Variants in NKAIN2 observed in about 807,000 individuals in gnomAD.
The protein encoded by NKAIN2 is sodium/potassium transporting ATPase interacting 2, also known as sodium/potassium-transporting ATPase subunit beta-1-interacting protein 2.
Under a neutral mutation model 32.6 loss-of-function variants are expected in NKAIN2, and 14 were observed. That is an observed-to-expected ratio of 0.43 (90% CI 0.28 to 0.67). The LOEUF (loss-of-function observed/expected upper bound fraction) is 0.67. Ranked by LOEUF, NKAIN2 falls within the 30% of genes least tolerant of loss-of-function variation. The pLI is 0.17. For synonymous variants in NKAIN2, 80 were observed against 87.2 expected, an observed-to-expected ratio of 0.92 and a Z score of 0.46; for missense variants, 198 against 258.3, an observed-to-expected ratio of 0.77 and a Z score of 1.60.
intron 1 of NKAIN2, among the ~76,000 whole-genome samples, chr6:123,988,973 G>C (rs1020562537): frequency 6.6e-6 from 1 of 151,378 alleles, no homozygotes; most frequent in African/African-American, 2.4e-5. Flanking sequence ...TTTGTTTAAA[G>C]GTGTTTAATT....
At chr6:124,011,580 C>T (rs1780329422) in intron 1 of NKAIN2, among the ~76,000 whole-genome samples, 2 of 152,074 alleles carry the variant, frequency 1.3e-5, no homozygotes, top group African/African-American at 4.8e-5. Flanking sequence ...TATATTGAGC[C>T]TCCCAAACTT....
intron 1 of NKAIN2, among the ~76,000 whole-genome samples, chr6:124,194,429 TTTC>T (rs1790205153): frequency 6.6e-6 from 1 of 152,182 alleles, no homozygotes; most frequent in African/African-American, 2.4e-5. Flanking sequence ...CATTTGTGTT[TTTC>T]TTTTATATCT....
chr6:123,917,743 A>G (rs1171410901), intron 1 of NKAIN2, among the ~76,000 whole-genome samples: 2 of 152,130 alleles, frequency 1.3e-5, no homozygotes, highest in East Asian at 1.9e-4. Flanking sequence ...AGTATTAATA[A>G]CTGATAAGGC....
intron 3 of NKAIN2, among the ~76,000 whole-genome samples, chr6:124,382,632 C>T (rs892056388): frequency 2.6e-5 from 4 of 152,128 alleles, no homozygotes; most frequent in African/African-American, 9.7e-5. Context: ...TTGCTATCCT[C>T]AACTATATCC....
chr6:124,210,975 A>G (rs1242658972), intron 1 of NKAIN2, among the ~76,000 whole-genome samples: 1 of 151,350 alleles, frequency 6.6e-6, no homozygotes, highest in African/African-American at 2.4e-5. Context: ...ATCCAGTACT[A>G]TGTCAAATAA....
At chr6:124,162,580 A>G (rs1457255959) in intron 1 of NKAIN2, among the ~76,000 whole-genome samples, 2 of 152,110 alleles carry the variant, frequency 1.3e-5, no homozygotes, top group Admixed American at 1.3e-4. Flanking sequence ...ATAGTTCCAG[A>G]ATGTTTATGG....
intron 1 of NKAIN2, among the ~76,000 whole-genome samples, chr6:123,911,805 A>ATATATATATATG (rs1271100335): frequency 1.9e-5 from 2 of 102,688 alleles, no homozygotes; most frequent in African/African-American, 9.0e-5. Flanking sequence ...ATATATGTAT[A>ATATATATATATG]TATATATACA....
intron 1 of NKAIN2, among the ~76,000 whole-genome samples, chr6:124,104,216 A>G (rs191373721): frequency 3.2e-4 from 49 of 152,288 alleles, no homozygotes; most frequent in African/African-American, 1.1e-3. Flanking sequence ...TTCTCATCCA[A>G]ATTTATAACC....
intron 3 of NKAIN2, among the ~76,000 whole-genome samples, chr6:124,506,904 T>A (rs1456367021): frequency 1.3e-5 from 2 of 151,472 alleles, no homozygotes; most frequent in Non-Finnish European, 2.9e-5. Flanking sequence ...AGATATCACC[T>A]GGAAGCTAGT....
At chr6:124,058,363 A>G (rs1200859342) in intron 1 of NKAIN2, among the ~76,000 whole-genome samples, 1 of 152,112 alleles carries the variant, frequency 6.6e-6, no homozygotes, top group East Asian at 1.9e-4. Flanking sequence ...AAGAATGCCC[A>G]TCAGAAGCGT....
chr6:124,118,471 A>G (rs1274824414), intron 1 of NKAIN2, among the ~76,000 whole-genome samples: 1 of 152,144 alleles, frequency 6.6e-6, no homozygotes, highest in Non-Finnish European at 1.5e-5. Context: ...TCATGCTATT[A>G]ATACTAATAC....
At chr6:124,107,347 G>A in intron 1 of NKAIN2, among the ~76,000 whole-genome samples, 1 of 152,118 alleles carries the variant, frequency 6.6e-6, no homozygotes, top group East Asian at 1.9e-4. Flanking sequence ...CTAGTTGATA[G>A]GGTAGAAAAC....
intron 4 of NKAIN2, among the ~76,000 whole-genome samples, chr6:124,779,154 G>C (rs1779121784): frequency 1.3e-5 from 2 of 151,854 alleles, no homozygotes; most frequent in South Asian, 2.1e-4. Context: ...AGATGTGGGA[G>C]AATCAGTTGA....
intron 3 of NKAIN2, among the ~76,000 whole-genome samples, chr6:124,515,215 T>G (rs1019525769): frequency 2.6e-5 from 4 of 152,038 alleles, no homozygotes; most frequent in Non-Finnish European, 5.9e-5. Flanking sequence ...CCTTGGTCAC[T>G]TTGTGTTGCT....
intron 3 of NKAIN2, among the ~76,000 whole-genome samples, chr6:124,508,586 GC>G (rs1018672102): frequency 6.6e-6 from 1 of 151,936 alleles, no homozygotes; most frequent in African/African-American, 2.4e-5. Context: ...CTCGTGATCT[GC>G]CCGCCTCGGC....
intron 1 of NKAIN2, among the ~76,000 whole-genome samples, chr6:123,894,919 A>G (rs569201644): frequency 6.6e-6 from 1 of 152,230 alleles, no homozygotes; most frequent in African/African-American, 2.4e-5. Flanking sequence ...TTGAAAGAAA[A>G]GATCCTCTCA....
At chr6:123,913,077 A>T (rs376660688) in intron 1 of NKAIN2, among the ~76,000 whole-genome samples, 1 of 152,170 alleles carries the variant, frequency 6.6e-6, no homozygotes, top group East Asian at 1.9e-4. Flanking sequence ...GTCAATACCC[A>T]ATCATGATGG....
intron 1 of NKAIN2, among the ~76,000 whole-genome samples, chr6:123,844,945 TAGTTTGAGTGACAA>T (rs1484708945): frequency 2.6e-5 from 4 of 152,156 alleles, no homozygotes; most frequent in Admixed American, 1.3e-4. Context: ...CAAAATTACT[TAGTTTGAGTGACAA>T]AGGGAATACT....
chr6:124,469,681 C>T lies in NKAIN2; in HGVS notation c.273+114334C>T, dbSNP rs551095316. Among the ~76,000 whole-genome samples the T allele has an allele frequency of 7.2e-5, 11 of 152,284 alleles. No homozygotes were observed. The South Asian group carries it at 1.0e-3, about 14-fold the overall frequency. ...CACTCCATCTAAACTCCCTATAGGA[C>T]TCATAGGATTCCTCTTATAGATCTC... On this transcript the variant is annotated intron_variant, in intron 3 of 6. Coordinates refer to ENST00000368417, the MANE Select transcript of NKAIN2 (RefSeq NM_001040214.3).
Sources: gnomAD v4.1 joint callset for allele counts (sites outside exome capture counted in the v4.1 genomes callset) on GRCh38, gnomAD v4.1.1 for gene constraint, MANE v1.5 for transcripts, NCBI Gene and HGNC (gene_info 2026-07-23, HGNC 2026-07-21) for gene names.